KIAA1549L: variants seen among roughly 807,000 people sequenced by gnomAD.
KIAA1549L encodes UPF0606 protein KIAA1549L.
A neutral mutation model predicts 160.7 loss-of-function variants in KIAA1549L; 88 were observed. That is an observed-to-expected ratio of 0.55 (90% CI 0.46 to 0.65). KIAA1549L has a LOEUF of 0.65. Among genes scored for constraint, KIAA1549L ranks in the 30% least tolerant of loss-of-function variants. The pLI is 0.00. For missense variants in KIAA1549L, 2,258 were observed against 2,437.5 expected (o/e 0.93, Z 1.55); for synonymous variants, 950 against 976.7 (o/e 0.97, Z 0.51).
chr11:33,660,936 G>T lies in KIAA1549L; in HGVS notation c.6081G>T (p.Thr2027=). The change falls in exon 20 of 21, where the codon ACG becomes ACT. Residue 2027 remains threonine (T), a synonymous_variant. Coordinates refer to ENST00000658780, the MANE Select transcript of KIAA1549L (RefSeq NM_012194.3). ...GCTTCACCGGCTACTTCATCCCAAC[G>T]CCTCCCTCATCCTATAGGAACCAGG... ...RPGFTGYFIP[T]PPSSYRNQAW... is the part of the protein sequence containing the mutation. 1 of 1,613,390 alleles carries T rather than the reference G, an allele frequency of 6.2e-7. No homozygotes were observed. Among genetic ancestry groups the T allele is most frequent in the South Asian group, 1.1e-5 (1 of 90,910 alleles).
At chr11:33,554,147 C>A (rs921490581) in intron 6 of KIAA1549L, among the ~76,000 whole-genome samples, 2 of 152,146 alleles carry the variant, frequency 1.3e-5, no homozygotes, top group African/African-American at 4.8e-5. Flanking sequence ...TGCTGACATT[C>A]CCTTGGGGCT....
intron 1 of KIAA1549L, among the ~76,000 whole-genome samples, chr11:33,411,271 A>G (rs1850779683): frequency 6.6e-6 from 1 of 152,146 alleles, no homozygotes; most frequent in South Asian, 2.1e-4. Flanking sequence ...TGGTTTTGAA[A>G]TATCTCTTTT....
chr11:33,654,793 C>T (rs1412263474), intron 17 of KIAA1549L, among the ~76,000 whole-genome samples: 1 of 152,186 alleles, frequency 6.6e-6, no homozygotes, highest in African/African-American at 2.4e-5. Flanking sequence ...TGGGATTTCC[C>T]TGACATCTTG....
At chr11:33,550,729 T>C (rs1854430809) in intron 4 of KIAA1549L, among the ~76,000 whole-genome samples, 1 of 152,186 alleles carries the variant, frequency 6.6e-6, no homozygotes, top group African/African-American at 2.4e-5. Context: ...TTTGAACTAC[T>C]CTCTCCTCCC....
At chr11:33,578,108 C>T (rs1416779093) in intron 10 of KIAA1549L, among the ~76,000 whole-genome samples, 1 of 152,206 alleles carries the variant, frequency 6.6e-6, no homozygotes, top group Non-Finnish European at 1.5e-5. Flanking sequence ...TGGTGAGCAG[C>T]TGTGAATGGA....
At chr11:33,485,047 G>T (rs75662568) in intron 1 of KIAA1549L, among the ~76,000 whole-genome samples, 2,828 of 152,188 alleles carry the variant, frequency 0.019, 79 homozygotes, top group African/African-American at 0.062. Context: ...CACTGGCCAG[G>T]GGTAGACATA....
In KIAA1549L at chr11:33,392,992, C is replaced by A. The variant is rs559046758; in HGVS notation, c.238+16103C>A. 3.3e-5 allele frequency among the ~76,000 whole-genome samples: 5 copies of A among 152,328 alleles called. No individual in the cohort carries two copies. The South Asian group carries it at 1.0e-3, about 32-fold the overall frequency. On this transcript the variant is annotated intron_variant, in intron 1 of 20. Transcript: ENST00000658780. Reference sequence around the variant, plus strand: ...TGCATCTCCTAATTGTCCCCTGTCTCTAGTCTTGTCCCCCTTTAAACCAGC... The same window carrying A: ...TGCATCTCCTAATTGTCCCCTGTCTATAGTCTTGTCCCCCTTTAAACCAGC...
intron 16 of KIAA1549L, among the ~76,000 whole-genome samples, chr11:33,643,620 T>C (rs1073655): frequency 0.7 from 106,436 of 152,040 alleles, 38,173 homozygotes; most frequent in African/African-American, 0.88. Flanking sequence ...GCAACCAGCA[T>C]GAACAGGACA....
chr11:33,383,776 A>G (rs1433799004), intron 1 of KIAA1549L, among the ~76,000 whole-genome samples: 1 of 152,202 alleles, frequency 6.6e-6, no homozygotes, highest in African/African-American at 2.4e-5. Flanking sequence ...AGAGGCAGCT[A>G]CTGCTTAGTG....
chr11:33,630,292 C>T (rs1349027199), intron 16 of KIAA1549L, among the ~76,000 whole-genome samples: 3 of 151,816 alleles, frequency 2.0e-5, no homozygotes, highest in South Asian at 2.1e-4. Flanking sequence ...CCTCCTTGAG[C>T]TGTGGTGGGC....
At chr11:33,456,511 G>C (rs1199905079) in intron 1 of KIAA1549L, among the ~76,000 whole-genome samples, 1 of 151,952 alleles carries the variant, frequency 6.6e-6, no homozygotes, top group African/African-American at 2.4e-5. Context: ...TCCACACTGA[G>C]GTGATCCTCT....
chr11:33,577,124 G>A (rs1161828846), intron 10 of KIAA1549L, among the ~76,000 whole-genome samples: 1 of 152,188 alleles, frequency 6.6e-6, no homozygotes, highest in Non-Finnish European at 1.5e-5. Context: ...AGCAAGGACA[G>A]CAGATCTCAC....
intron 1 of KIAA1549L, among the ~76,000 whole-genome samples, chr11:33,530,942 G>T (rs1420803383): frequency 1.3e-5 from 2 of 152,164 alleles, no homozygotes; most frequent in Non-Finnish European, 2.9e-5. Context: ...TGTGATCACA[G>T]GTCTGTCCAG....
Position 33,597,560 on chromosome 11 carries a change from G to A in KIAA1549L, c.4752-1260G>A, listed in dbSNP as rs144726798. 8.5e-5 allele frequency among the ~76,000 whole-genome samples: 13 copies of A among 152,310 alleles called. No individual in the cohort carries two copies. In the East Asian group the frequency reaches 1.9e-3, roughly 23 times the overall value. ...GATTGACAATAGAAGAACAGAGGCC[G>A]CTAGATACCTGCCTCCCGCTTGTCT... is the stretch of plus-strand genomic sequence containing the variant. On this transcript the variant is annotated intron_variant, in intron 12 of 20. Coordinates refer to ENST00000658780, the MANE Select transcript of KIAA1549L (RefSeq NM_012194.3).
intron 1 of KIAA1549L, among the ~76,000 whole-genome samples, chr11:33,503,907 AT>A (rs1267586213): frequency 9.2e-5 from 14 of 152,250 alleles, no homozygotes; most frequent in Admixed American, 9.2e-4. Flanking sequence ...CACTTTCATT[AT>A]TCAGCTCTGA....
chr11:33,466,903 G>T (rs1182984764), intron 1 of KIAA1549L, among the ~76,000 whole-genome samples: 1 of 149,950 alleles, frequency 6.7e-6, no homozygotes, highest in African/African-American at 2.5e-5. Flanking sequence ...TCACTCATAA[G>T]TGGGAGTTGA....
chr11:33,537,730 T>C (rs1853924865), intron 1 of KIAA1549L, among the ~76,000 whole-genome samples: 1 of 152,332 alleles, frequency 6.6e-6, no homozygotes, highest in Non-Finnish European at 1.5e-5. Context: ...TGAATCAGTC[T>C]TTTCAAATGT....
At chr11:33,454,877 C>T (rs1851790734) in intron 1 of KIAA1549L, among the ~76,000 whole-genome samples, 1 of 152,102 alleles carries the variant, frequency 6.6e-6, no homozygotes, top group Non-Finnish European at 1.5e-5. Flanking sequence ...ATCACGAGGT[C>T]AGGAGATCCA....
chr11:33,476,882 G>C (rs1034978629), intron 1 of KIAA1549L, among the ~76,000 whole-genome samples: 1 of 152,174 alleles, frequency 6.6e-6, no homozygotes, highest in Non-Finnish European at 1.5e-5. Flanking sequence ...ATTTACTAAT[G>C]TCTATTGTAT....
Sources: allele counts gnomAD v4.1 joint callset (sites outside exome capture counted in the v4.1 genomes callset), GRCh38; gene constraint gnomAD v4.1.1; transcripts MANE v1.5; gene names NCBI Gene and HGNC (gene_info 2026-07-23, HGNC 2026-07-21).